The following CCDC34 variants were observed in gnomAD, a reference collection of about 807,000 sequenced individuals.
CCDC34 encodes coiled-coil domain containing 34, also known as coiled-coil domain-containing protein 34.
A neutral mutation model predicts 44.1 loss-of-function variants in CCDC34; 40 were observed. The ratio of observed to expected loss-of-function variants is 0.91; its 90% CI spans 0.70 to 1.18. CCDC34 has a LOEUF of 1.18. Among genes scored for constraint, CCDC34 ranks in the 50% most tolerant of loss-of-function variants. The probability of loss-of-function intolerance (pLI) is 0.00; values close to 1 mark genes in which losing one functional copy is unlikely to be tolerated. For synonymous variants in CCDC34, 159 were observed against 158.2 expected, an observed-to-expected ratio of 1.01 and a Z score of -0.04; for missense variants, 466 against 452.3, an observed-to-expected ratio of 1.03 and a Z score of -0.28.
chr11:27,355,722 G>C (rs1862565539), intron 2 of CCDC34, among the ~76,000 whole-genome samples: 1 of 152,072 alleles, frequency 6.6e-6, no homozygotes, highest in Non-Finnish European at 1.5e-5. Context: ...TATTATTCTT[G>C]CCTAACATCA....
At chr11:27,349,822 T>A in intron 3 of CCDC34, 1 of 962,980 alleles carries the variant, frequency 1.0e-6, no homozygotes, top group African/African-American at 1.8e-5. Flanking sequence ...TAGCTTACAA[T>A]CCAGTATAAG....
chr11:27,346,983 A>T (rs1862443989), intron 3 of CCDC34, among the ~76,000 whole-genome samples: 1 of 152,190 alleles, frequency 6.6e-6, no homozygotes, highest in African/African-American at 2.4e-5. Context: ...AAACCTACAG[A>T]TGCCTTTATC....
At position 27,357,426 on chromosome 11, in the gene CCDC34, G is replaced by A. The variant is rs147823135; in HGVS notation, c.475C>T (p.Arg159Trp). The A allele has an allele frequency of 1.5e-4, 246 of 1,613,778 alleles. No individual in the cohort carries two copies. The highest frequency in any genetic ancestry group is 1.9e-4 in the Non-Finnish European group (224 of 1,179,838). The change falls in exon 2 of 6, where the codon CGG becomes TGG. Residue 159 changes from arginine (R) to tryptophan (W), a missense_variant. Physicochemically the swap from Arg to Trp is moderately radical, Grantham distance 101 (BLOSUM62 -3). Coordinates refer to ENST00000328697, the MANE Select transcript of CCDC34 (RefSeq NM_030771.2). The part of the protein sequence containing the change: ...FIGKEKEERD[R>W]LQLKALEELN... ...ACCTCTAGAGCTTTCAGTTGCAGCC[G>A]GTCACGTTCTTCTTTTTCTTTGCCA...
rs1452954885 is a variant in CCDC34 at position 27,341,545 on chromosome 11, T to A, written c.612A>T (p.Arg204Ser). The A allele has an allele frequency of 1.6e-6, 2 of 1,251,178 alleles. No homozygotes were observed. The highest frequency in any genetic ancestry group is 2.2e-6 in the Non-Finnish European group (2 of 925,882). The allele number at this position is 1,251,178 out of a possible 1,614,324, so 77.5% of individuals were successfully genotyped here. Reference sequence around the variant, plus strand: ...TATTAATTTTTTGTTCTCTTTCTTTTCTTTTCTTAAATAAAAATAGATAAA... The same window carrying A: ...TATTAATTTTTTGTTCTCTTTCTTTACTTTTCTTAAATAAAAATAGATAAA... Reference protein sequence around the residue: ...EWVQKKNEQKRKEREQKINKE... With the variant: ...EWVQKKNEQKSKEREQKINKE... Residue 204 changes from arginine (R) to serine (S), a missense_variant, in exon 4 of 6, where the codon AGA becomes AGT. By Grantham distance (110) the Arg-to-Ser change is moderately radical. Transcript: ENST00000328697.
At chr11:27,356,764 A>G (rs1028800582) in intron 2 of CCDC34, among the ~76,000 whole-genome samples, 1 of 151,310 alleles carries the variant, frequency 6.6e-6, no homozygotes, top group African/African-American at 2.4e-5. Flanking sequence ...GGAAATGTCC[A>G]TAAGTGAGGG....
intron 4 of CCDC34, among the ~76,000 whole-genome samples, chr11:27,341,090 T>G (rs1862351468): frequency 6.6e-6 from 1 of 152,196 alleles, no homozygotes; most frequent in African/African-American, 2.4e-5. Flanking sequence ...CAAAGAATAG[T>G]AATTTATAAA....
Position 27,350,314 on chromosome 11 carries a change from C to T in CCDC34, c.606+18G>A, listed in dbSNP as rs758143001. On this transcript the variant is annotated intron_variant, in intron 3 of 5. Transcript: ENST00000328697. ...GCAAAAGAGATGTCAATGTGTGTATCCATTTTCCCCTCCTTACTTGCTCAT... is the reference window on the plus strand; with the variant it reads ...GCAAAAGAGATGTCAATGTGTGTATTCATTTTCCCCTCCTTACTTGCTCAT... 1 of 1,613,800 alleles carries T rather than the reference C, an allele frequency of 6.2e-7. No individual in the cohort carries two copies.
intron 3 of CCDC34, among the ~76,000 whole-genome samples, chr11:27,346,929 G>A (rs1185132450): frequency 6.6e-6 from 1 of 152,128 alleles, no homozygotes; most frequent in African/African-American, 2.4e-5. Context: ...AAGCCCTGTG[G>A]GGACATAAAA....
At chr11:27,356,857 GAC>G (rs1347157860) in intron 2 of CCDC34, among the ~76,000 whole-genome samples, 37 of 112,432 alleles carry the variant, frequency 3.3e-4, no homozygotes, top group Non-Finnish European at 5.1e-4. Context: ...CTCACTGAGT[GAC>G]ACACGGTGGG....
chr11:27,346,482 G>GGAAGGAAA (rs1491094364), intron 3 of CCDC34, among the ~76,000 whole-genome samples: 2 of 123,334 alleles, frequency 1.6e-5, no homozygotes, highest in South Asian at 2.4e-4. Context: ...AAAGAAGGAA[G>GGAAGGAAA]GAAGGAAGGA....
At chr11:27,343,920 A>C (rs1171073316) in intron 3 of CCDC34, among the ~76,000 whole-genome samples, 4 of 152,216 alleles carry the variant, frequency 2.6e-5, no homozygotes, top group Non-Finnish European at 5.9e-5. Flanking sequence ...TGTTAAAACC[A>C]ATTTTATGCC....
chr11:27,353,178 T>A (rs182462768), intron 2 of CCDC34, among the ~76,000 whole-genome samples: 1 of 152,280 alleles, frequency 6.6e-6, no homozygotes, highest in East Asian at 1.9e-4. Flanking sequence ...TTTCAAATAA[T>A]TTTTTACCAC....
intron 2 of CCDC34, among the ~76,000 whole-genome samples, chr11:27,351,146 C>T (rs1477014576): frequency 1.3e-5 from 2 of 152,194 alleles, no homozygotes; most frequent in Non-Finnish European, 2.9e-5. Context: ...GTTTAGAATG[C>T]TGTTCAAACT....
At chr11:27,349,041 T>C (rs2291022) in intron 3 of CCDC34, 279,688 of 983,614 alleles carry the variant, frequency 0.28, 40,388 homozygotes, top group East Asian at 0.44. Context: ...AGTGAATATA[T>C]TGTCTCCCAG....
intron 1 of CCDC34, among the ~76,000 whole-genome samples, chr11:27,360,475 G>T (rs1177708854): frequency 1.3e-5 from 2 of 152,172 alleles, no homozygotes; most frequent in Non-Finnish European, 2.9e-5. Context: ...TTGCCAGTCA[G>T]ATCAATATGG....
chr11:27,340,675 C>A (rs765984714), intron 5 of CCDC34, 21 bp downstream of exon 5: 1 of 1,595,704 alleles, frequency 6.3e-7, no homozygotes, highest in East Asian at 2.2e-5. Flanking sequence ...TTTATGTAAG[C>A]CACACAACAT....
chr11:27,341,009 T>C lies in CCDC34; in HGVS notation c.766-172A>G, dbSNP rs113402086. ...AGAATATTGAACATGATCATGGACA[T>C]ACATTAAGGTGTCTGGCTCTGAAAA... On this transcript the variant is annotated intron_variant, in intron 4 of 5. Coordinates refer to ENST00000328697, the MANE Select transcript of CCDC34 (RefSeq NM_030771.2). 3.2e-3 allele frequency among the ~76,000 whole-genome samples: 480 copies of C among 152,232 alleles called. 3 individuals carry two copies. Among genetic ancestry groups the C allele is most frequent in the African/African-American group, 0.011 (437 of 41,540 alleles).
At chr11:27,353,065 T>C (rs1398364602) in intron 2 of CCDC34, among the ~76,000 whole-genome samples, 4 of 152,326 alleles carry the variant, frequency 2.6e-5, no homozygotes, top group African/African-American at 7.2e-5. Flanking sequence ...GGATTACAGA[T>C]AGCTATTAAT....
chr11:27,344,447 TATAAC>T (rs1405637325), intron 3 of CCDC34, among the ~76,000 whole-genome samples: 2 of 152,092 alleles, frequency 1.3e-5, no homozygotes, highest in Non-Finnish European at 2.9e-5. Context: ...ACATATATGC[TATAAC>T]ATGTTACTTG....
Sources: gnomAD v4.1 joint callset for allele counts (sites outside exome capture counted in the v4.1 genomes callset) on GRCh38, gnomAD v4.1.1 for gene constraint, MANE v1.5 for transcripts, NCBI Gene and HGNC (gene_info 2026-07-23, HGNC 2026-07-21) for gene names.